TJP1: variants seen among roughly 807,000 people sequenced by gnomAD.
TJP1 encodes the protein tight junction protein 1.
Under a neutral mutation model 194.2 loss-of-function variants are expected in TJP1, and 43 were observed. The observed-to-expected ratio is 0.22, with a 90% CI of 0.17 to 0.29. The LOEUF is 0.29. Ranked by LOEUF, TJP1 falls within the 10% of genes least tolerant of loss-of-function variation. The pLI is 1.00. For synonymous variants in TJP1, 801 were observed against 779.0 expected (o/e 1.03, Z -0.47); for missense variants, 1,971 against 2,185.7 (o/e 0.90, Z 1.96).
intron 2 of TJP1, among the ~76,000 whole-genome samples, chr15:29,901,571 C>T (rs970630262): frequency 6.6e-6 from 1 of 152,138 alleles, no homozygotes; most frequent in Admixed American, 6.5e-5. Flanking sequence ...CCTGTAATCC[C>T]AACACTTTGT....
At position 29,733,154 on chromosome 15, in the gene TJP1, G is replaced by C. The variant is rs201315605; in HGVS notation, c.1676C>G (p.Ala559Gly). 4.0e-4 allele frequency: 645 copies of C among 1,614,048 alleles called. No individual in the cohort carries two copies. The highest frequency in any genetic ancestry group is 5.1e-4 in the Non-Finnish European group (602 of 1,180,006). The stretch of plus-strand genomic sequence containing the variant: ...CTTATGATTTTTACCAATTCGAATA[G>C]CAAGCCAAGAGCCCAGTTTTCCATT... Reference protein sequence around the residue: ...LYNGKLGSWLAIRIGKNHKEV... With the variant: ...LYNGKLGSWLGIRIGKNHKEV... The change falls in exon 13 of 28, where the codon GCT becomes GGT. Residue 559 changes from alanine to glycine, a missense_variant. This residue lies in a region of TJP1 where 402 missense variants were observed against 484.2 expected (regional missense o/e 0.83). Coordinates refer to ENST00000614355, the MANE Select transcript of TJP1 (RefSeq NM_001330239.4).
intron 2 of TJP1, among the ~76,000 whole-genome samples, chr15:29,949,535 A>ACCT (rs2055504367): frequency 8.6e-6 from 1 of 115,686 alleles, no homozygotes. Flanking sequence ...CACCACCTCC[A>ACCT]CCACCACCAC....
rs578134163 is a variant in TJP1 at position 29,705,575 on chromosome 15, T to A, written c.5021A>T (p.Lys1674Met). The A allele has an allele frequency of 6.2e-7, 1 of 1,614,240 alleles. No homozygotes were observed. The highest frequency in any genetic ancestry group is 2.2e-5 in the East Asian group (1 of 44,886). The stretch of plus-strand genomic sequence containing the variant: ...AAGGATGCTGTTGTCCCGGCAGACC[T>A]TGAAATAGATTTCCTGCTCAACTCC... The part of the protein sequence containing the change: ...PEGVEQEIYF[K>M]VCRDNSILPP... The change falls in exon 26 of 28, where the codon AAG becomes ATG. Residue 1674 changes from lysine to methionine, a missense_variant. This residue lies in a region of TJP1 where 1,108 missense variants were observed against 1,128.5 expected (regional missense o/e 0.98). Coordinates refer to ENST00000614355, the MANE Select transcript of TJP1 (RefSeq NM_001330239.4).
At chr15:29,834,523 G>A (rs2050962695) in intron 2 of TJP1, among the ~76,000 whole-genome samples, 1 of 152,218 alleles carries the variant, frequency 6.6e-6, no homozygotes, top group Non-Finnish European at 1.5e-5. Context: ...GCCGGCCTGA[G>A]ATGTTTTATA....
At chr15:29,829,352 T>C (rs965057157) in intron 2 of TJP1, among the ~76,000 whole-genome samples, 2 of 152,176 alleles carry the variant, frequency 1.3e-5, no homozygotes, top group African/African-American at 4.8e-5. Context: ...ATTTTGGACA[T>C]GTTACTTTCG....
chr15:29,916,007 G>C (rs985083817), intron 2 of TJP1, among the ~76,000 whole-genome samples: 9 of 151,958 alleles, frequency 5.9e-5, no homozygotes, highest in Admixed American at 5.9e-4. Flanking sequence ...AACATTACTA[G>C]GCCAAGGCGG....
intron 2 of TJP1, among the ~76,000 whole-genome samples, chr15:29,842,525 G>A (rs979589439): frequency 2.0e-5 from 3 of 152,098 alleles, no homozygotes; most frequent in Admixed American, 6.5e-5. Context: ...TCACATGCAC[G>A]GCTTTGCAAT....
intron 8 of TJP1, among the ~76,000 whole-genome samples, chr15:29,754,956 ATGGAAG>A (rs2045552233): frequency 1.3e-5 from 2 of 152,240 alleles, no homozygotes; most frequent in Non-Finnish European, 2.9e-5. Context: ...GAAAACAATT[ATGGAAG>A]GTAGAGGAAA....
upstream of TJP1, among the ~76,000 whole-genome samples, chr15:29,827,101 C>T (rs1314831733): frequency 6.6e-6 from 1 of 152,164 alleles, no homozygotes; most frequent in Non-Finnish European, 1.5e-5. Context: ...GCACAAAAGC[C>T]CCAAACGGGC....
intron 1 of TJP1, among the ~76,000 whole-genome samples, chr15:29,962,283 G>T (rs8036572): frequency 0.96 from 145,548 of 152,302 alleles, 69,657 homozygotes; most frequent in East Asian, 1. Flanking sequence ...AGATATTCAT[G>T]CCTTTTGTTT....
At chr15:29,728,202 T>G in intron 15 of TJP1, 183 bp from the exon 16 acceptor site, 2 of 461,290 alleles carry the variant, frequency 4.3e-6, no homozygotes, top group Non-Finnish European at 7.7e-6. Context: ...TTTTTCACTA[T>G]TTTTTCAACT....
At chr15:29,843,613 C>T (rs2051306889) in intron 2 of TJP1, among the ~76,000 whole-genome samples, 1 of 152,170 alleles carries the variant, frequency 6.6e-6, no homozygotes, top group Admixed American at 6.5e-5. Flanking sequence ...AATCCTCTTC[C>T]CCTGCCCCAC....
intron 1 of TJP1, among the ~76,000 whole-genome samples, chr15:29,967,894 T>C (rs8042079): frequency 0.022 from 3,297 of 152,334 alleles, 105 homozygotes; most frequent in African/African-American, 0.076. Context: ...TTTTCTGTAG[T>C]CATCTTCCCT....
chr15:29,931,092 G>T (rs1157470750), intron 2 of TJP1, among the ~76,000 whole-genome samples: 3 of 152,082 alleles, frequency 2.0e-5, no homozygotes, highest in Admixed American at 1.3e-4. Flanking sequence ...CACATATTTT[G>T]TATGTTATAT....
intron 1 of TJP1, among the ~76,000 whole-genome samples, chr15:29,967,490 C>A (rs566439656): frequency 1.3e-5 from 2 of 152,122 alleles, no homozygotes; most frequent in African/African-American, 4.8e-5. Flanking sequence ...CTGTGTATAT[C>A]CCCATGAGGG....
At chr15:29,824,118 TGG>T (rs2050599532), upstream of TJP1, 1 of 51,904 alleles carries the variant, frequency 1.9e-5, no homozygotes, top group South Asian at 6.1e-4. Context: ...AAAAAAAAAA[TGG>T]TGGCCAGGCG....
chr15:29,945,176 A>G (rs2055229795), intron 2 of TJP1, among the ~76,000 whole-genome samples: 1 of 152,236 alleles, frequency 6.6e-6, no homozygotes, highest in African/African-American at 2.4e-5. Context: ...GACAAGGGCC[A>G]GGTCAAAATG....
chr15:29,956,656 G>T (rs1030834763), intron 1 of TJP1, among the ~76,000 whole-genome samples: 1 of 152,170 alleles, frequency 6.6e-6, no homozygotes, highest in African/African-American at 2.4e-5. Context: ...AAGGCAGGAG[G>T]ATCACTTGAG....
chr15:29,709,043 A>C lies in TJP1; in HGVS notation c.4373-7T>G. On this transcript the variant is annotated splice_region_variant and splice_polypyrimidine_tract_variant and intron_variant, in intron 24 of 27. Coordinates refer to ENST00000614355, the MANE Select transcript of TJP1 (RefSeq NM_001330239.4). ...TCCAATGACACTGAATTACCTGAAAAACAAACGTAAGCATTTAAATAACTT... is the reference window on the plus strand; with the variant it reads ...TCCAATGACACTGAATTACCTGAAACACAAACGTAAGCATTTAAATAACTT... 6.3e-7 allele frequency: 1 copy of C among 1,599,830 alleles called. No homozygotes were observed. Among genetic ancestry groups the C allele is most frequent in the Non-Finnish European group, 8.5e-7 (1 of 1,172,202 alleles).
Sources: gnomAD v4.1 joint callset for allele counts (sites outside exome capture counted in the v4.1 genomes callset) on GRCh38, gnomAD v4.1.1 for gene constraint, gnomAD v4.1.1 regional missense constraint, MANE v1.5 for transcripts, NCBI Gene and HGNC (gene_info 2026-07-23, HGNC 2026-07-21) for gene names.